ANKRD27: variants seen among roughly 807,000 people sequenced by gnomAD.
ANKRD27 encodes the protein ankyrin repeat domain-containing protein 27.
ANKRD27 carries 112 observed loss-of-function variants against 129.7 expected under a neutral mutation model. The observed-to-expected ratio is 0.86, with a 90% CI of 0.74 to 1.01. The LOEUF (loss-of-function observed/expected upper bound fraction) is 1.01. Ranked by LOEUF, ANKRD27 falls within the 50% of genes least tolerant of loss-of-function variation. The pLI is 0.00. For missense variants in ANKRD27, 1,258 were observed against 1,300.5 expected (o/e 0.97, Z 0.50); for synonymous variants, 516 against 511.2 (o/e 1.01, Z -0.13).
At chr19:32,642,208 C>CTTTTTT in intron 9 of ANKRD27, 63 bp from the exon 10 acceptor site, 1 of 1,359,858 alleles carries the variant, frequency 7.4e-7, no homozygotes, top group South Asian at 2.0e-5. Flanking sequence ...TGGCCTGGAT[C>CTTTTTT]TAAGAACACA....
chr19:32,639,243 C>G (rs991792346), intron 12 of ANKRD27, 113 bp downstream of exon 12: 1 of 1,308,516 alleles, frequency 7.6e-7, no homozygotes, highest in Non-Finnish European at 1.1e-6. Context: ...CAGCTGAGGC[C>G]CCATTCCTGG....
intron 22 of ANKRD27, 152 bp from the exon 23 acceptor site, chr19:32,607,984 G>T: frequency 1.2e-6 from 1 of 823,598 alleles, no homozygotes; most frequent in Non-Finnish European, 1.9e-6. Context: ...AGAAGTATGT[G>T]GCATGCCAAA....
intron 2 of ANKRD27, among the ~76,000 whole-genome samples, chr19:32,650,800 AGT>A (rs1599766314): frequency 1.6e-5 from 2 of 128,612 alleles, no homozygotes; most frequent in East Asian, 4.6e-4. Flanking sequence ...CCGAGGCTGG[AGT>A]GCAGTGGCGC....
Position 32,622,585 on chromosome 19 carries a change from G to A in ANKRD27, c.1664C>T (p.Ser555Leu), listed in dbSNP as rs756239129. 9.9e-6 allele frequency: 16 copies of A among 1,613,828 alleles called. No individual in the cohort carries two copies. The highest frequency in any genetic ancestry group is 6.7e-5 in the African/African-American group (5 of 74,896). ...CTCATTGCCAATGTCAAGTCTGCAC[G>A]ACTCCACGTCGTAGTAAACCAGAGC... ...VKALVYYDVESCRLDIGNEKG... is the reference protein window; with the variant it reads ...VKALVYYDVELCRLDIGNEKG... The change falls in exon 18 of 29, where the codon TCG becomes TTG. Residue 555 changes from serine to leucine, a missense_variant. By Grantham distance (145) the Ser-to-Leu change is moderately radical. Coordinates refer to ENST00000306065, the MANE Select transcript of ANKRD27 (RefSeq NM_032139.3).
intron 12 of ANKRD27, among the ~76,000 whole-genome samples, chr19:32,636,939 G>A (rs1967102469): frequency 6.6e-6 from 1 of 152,136 alleles, no homozygotes; most frequent in South Asian, 2.1e-4. Context: ...GTAGAGACAG[G>A]GTTTCACCAT....
At chr19:32,619,648 C>T (rs1599743600) in intron 18 of ANKRD27, 95 bp from the exon 19 acceptor site, 7 of 1,458,394 alleles carry the variant, frequency 4.8e-6, no homozygotes, top group Non-Finnish European at 6.7e-6. Context: ...CGGCCTAGCT[C>T]CTCGGAATGT....
intron 20 of ANKRD27, among the ~76,000 whole-genome samples, chr19:32,618,191 A>G (rs1320273899): frequency 6.6e-6 from 1 of 151,980 alleles, no homozygotes; most frequent in Non-Finnish European, 1.5e-5. Context: ...GTATAAATGT[A>G]TATGTATATT....
chr19:32,597,591 A>C lies in ANKRD27; in HGVS notation c.*554T>G, dbSNP rs1016589336. ...ATCCTTTCACTAAAATGAATATCAA[A>C]ATGGGATTGAGGCATCTTTTGGTTC... On this transcript the variant is annotated 3_prime_UTR_variant, in exon 29 of 29. Coordinates refer to ENST00000306065, the MANE Select transcript of ANKRD27 (RefSeq NM_032139.3). 2 of 159,108 alleles carry C rather than the reference A, an allele frequency of 1.3e-5. No individual in the cohort carries two copies. The highest frequency in any genetic ancestry group is 2.8e-5 in the Non-Finnish European group (2 of 71,280). 9.9% of individuals were successfully genotyped at this position (159,108 alleles called of 1,614,324 possible).
At chr19:32,673,661 G>A (rs147317306) in intron 1 of ANKRD27, among the ~76,000 whole-genome samples, 180 of 152,236 alleles carry the variant, frequency 1.2e-3, no homozygotes, top group Middle Eastern at 3.4e-3. Flanking sequence ...TAGCGTGTGG[G>A]TGGCTGAGAA....
intron 23 of ANKRD27, among the ~76,000 whole-genome samples, chr19:32,606,357 T>C (rs1432282061): frequency 6.6e-6 from 1 of 152,088 alleles, no homozygotes; most frequent in African/African-American, 2.4e-5. Context: ...TTTCACCATG[T>C]TGGCAGGGCT....
At chr19:32,672,000 C>T (rs13347124) in intron 1 of ANKRD27, among the ~76,000 whole-genome samples, 3,986 of 152,250 alleles carry the variant, frequency 0.026, 176 homozygotes, top group African/African-American at 0.09. Flanking sequence ...GGTCTTCAAC[C>T]GTCCTGCTAG....
At chr19:32,649,828 G>GT (rs1967377571) in intron 2 of ANKRD27, 36 bp from the exon 3 acceptor site, 2 of 1,382,642 alleles carry the variant, frequency 1.4e-6, no homozygotes, top group Non-Finnish European at 2.1e-6. Flanking sequence ...TTAGACAGAC[G>GT]TGCCATTTAC....
intron 1 of ANKRD27, among the ~76,000 whole-genome samples, chr19:32,664,055 C>CAAAAAAAA (rs869264224): frequency 1.9e-4 from 6 of 31,372 alleles, no homozygotes; most frequent in Non-Finnish European, 4.3e-4. Context: ...GACTCTGTCT[C>CAAAAAAAA]AAAAAAAAAA....
In ANKRD27 at chr19:32,613,323, G is replaced by A. The variant is rs138711874; in HGVS notation, c.2175+2335C>T. 2.6e-3 allele frequency among the ~76,000 whole-genome samples: 398 copies of A among 152,258 alleles called. 5 individuals are homozygous for A. Among genetic ancestry groups the A allele is most frequent in the African/African-American group, 9.3e-3 (387 of 41,560 alleles). On this transcript the variant is annotated intron_variant, in intron 22 of 28. Coordinates refer to ENST00000306065, the MANE Select transcript of ANKRD27 (RefSeq NM_032139.3). ...GGAACTGGATCACTCATACATCGCT[G>A]GTGGGCATGTAAAATGATACAGCCT...
At chr19:32,644,257 A>G in intron 5 of ANKRD27, 68 bp downstream of exon 5, 1 of 1,534,738 alleles carries the variant, frequency 6.5e-7, no homozygotes, top group Non-Finnish European at 8.9e-7. Context: ...GAGGAAACTG[A>G]GGGCTCCCAG....
At chr19:32,674,076 G>C (rs888432169) in intron 1 of ANKRD27, among the ~76,000 whole-genome samples, 1 of 152,014 alleles carries the variant, frequency 6.6e-6, no homozygotes, top group African/African-American at 2.4e-5. Flanking sequence ...AGGATTGCTT[G>C]AGTCCAGGAG....
At chr19:32,620,716 A>C in intron 18 of ANKRD27, among the ~76,000 whole-genome samples, 1 of 152,022 alleles carries the variant, frequency 6.6e-6, no homozygotes, top group Middle Eastern at 3.2e-3. Context: ...GTGAAACTCC[A>C]CCTGTATAAA....
intron 1 of ANKRD27, among the ~76,000 whole-genome samples, chr19:32,661,704 C>G (rs1386466188): frequency 6.6e-6 from 1 of 152,038 alleles, no homozygotes; most frequent in Non-Finnish European, 1.5e-5. Flanking sequence ...GTTCTGGGAT[C>G]CTCTTGTATA....
intron 10 of ANKRD27, among the ~76,000 whole-genome samples, chr19:32,641,304 TA>T (rs1464335953): frequency 6.6e-6 from 1 of 152,006 alleles, no homozygotes; most frequent in African/African-American, 2.4e-5. Context: ...GCTTCAGTGA[TA>T]AAAAATGAAG....
Sources: gnomAD v4.1 joint callset for allele counts (sites outside exome capture counted in the v4.1 genomes callset) on GRCh38, gnomAD v4.1.1 for gene constraint, MANE v1.5 for transcripts, NCBI Gene and HGNC (gene_info 2026-07-23, HGNC 2026-07-21) for gene names.